Variants in SCN9A observed in about 807,000 individuals in gnomAD.
The protein encoded by SCN9A is sodium channel protein type 9 subunit alpha.
In SCN9A, 131 loss-of-function variants were observed where a neutral mutation model predicts 187.0. The ratio of observed to expected loss-of-function variants is 0.70; its 90% CI spans 0.61 to 0.81. The LOEUF is 0.81. Ranked by LOEUF, SCN9A falls within the 30% of genes least tolerant of loss-of-function variation. SCN9A has a pLI of 0.00. For synonymous variants in SCN9A, 809 were observed against 808.6 expected, an observed-to-expected ratio of 1.00 and a Z score of -0.01; for missense variants, 2,252 against 2,396.6, an observed-to-expected ratio of 0.94 and a Z score of 1.26.
chr2:166,280,255 AT>A, intron 14 of SCN9A, 101 bp downstream of exon 14: 2 of 698,808 alleles, frequency 2.9e-6, no homozygotes, highest in Middle Eastern at 8.0e-4. Flanking sequence ...GATATGCATA[AT>A]TCTGAGGCTG....
chr2:166,340,421 C>A (rs1016540839), intron 1 of SCN9A, among the ~76,000 whole-genome samples: 2 of 152,066 alleles, frequency 1.3e-5, no homozygotes, highest in Non-Finnish European at 2.9e-5. Context: ...TTTTAAAAAT[C>A]AGGCTTCTAA....
intron 17 of SCN9A, among the ~76,000 whole-genome samples, chr2:166,255,096 G>A (rs964243523): frequency 2.0e-5 from 3 of 146,520 alleles, no homozygotes; most frequent in Non-Finnish European, 4.5e-5. Flanking sequence ...TGAGGTAATC[G>A]AGAGAGAGAA....
In SCN9A at chr2:166,238,268, C is replaced by T. The variant is rs975329861; in HGVS notation, c.3628-1G>A. The T allele has an allele frequency of 1.3e-6, 2 of 1,538,048 alleles. No individual in the cohort carries two copies. Among genetic ancestry groups the T allele is most frequent in the Non-Finnish European group, 1.8e-6 (2 of 1,141,970 alleles). On this transcript the variant is annotated splice_acceptor_variant, in intron 19 of 26. Coordinates refer to ENST00000642356, the MANE Select transcript of SCN9A (RefSeq NM_001365536.1). LOFTEE classifies it high-confidence loss of function. ...TTTCAATATAAATATCTTCAAAAGC[C>T]TGTGGAAATAATATTCAAGTTTCAA...
At chr2:166,281,897 G>T in intron 12 of SCN9A, 89 bp from the exon 13 acceptor site, 1 of 1,172,292 alleles carries the variant, frequency 8.5e-7, no homozygotes, top group Non-Finnish European at 1.2e-6. Context: ...GCTGTAGTGA[G>T]TAATTAAAAG....
chr2:166,355,512 TGTGTGTGTGG>T (rs774728176), intron 1 of SCN9A, among the ~76,000 whole-genome samples: 1 of 152,108 alleles, frequency 6.6e-6, no homozygotes, highest in African/African-American at 2.4e-5. Context: ...AGGGATTGTG[TGTGTGTGTGG>T]GTGTGTGTGC....
At chr2:166,293,602 T>C (rs996294566) in intron 8 of SCN9A, among the ~76,000 whole-genome samples, 8 of 152,192 alleles carry the variant, frequency 5.3e-5, no homozygotes, top group Non-Finnish European at 1.0e-4. Flanking sequence ...AAATAAGACT[T>C]GTAATAAGTT....
chr2:166,272,700 T>A lies in SCN9A; in HGVS notation c.3050A>T (p.Lys1017Met). The change falls in exon 17 of 27, where the codon AAG becomes ATG. Residue 1017 changes from lysine (K) to methionine (M), a missense_variant. By Grantham distance (95) the Lys-to-Met change is moderately conservative (BLOSUM62 -1). Around this residue, in one of 7 missense-constraint regions of SCN9A, gnomAD observed 313 missense variants for 295.3 expected, o/e 1.06. Coordinates refer to ENST00000642356, the MANE Select transcript of SCN9A (RefSeq NM_001365536.1). ...REFILKAFSK[K>M]PKISREIRQA... ...TCTTATCTCCCTGGAAATCTTTGGC[T>A]TTTTGGAAAATGCTTTTAGAATAAA... 1 of 1,597,382 alleles carries A rather than the reference T, an allele frequency of 6.3e-7. No homozygotes were observed. The highest frequency in any genetic ancestry group is 8.5e-7 in the Non-Finnish European group (1 of 1,172,322).
intron 1 of SCN9A, among the ~76,000 whole-genome samples, chr2:166,343,501 T>C (rs1699832321): frequency 6.6e-6 from 1 of 152,142 alleles, no homozygotes; most frequent in African/African-American, 2.4e-5. Flanking sequence ...TATAGGATGG[T>C]ATTAAGAACT....
chr2:166,268,610 A>G (rs879755328), intron 17 of SCN9A, among the ~76,000 whole-genome samples: 8 of 151,998 alleles, frequency 5.3e-5, no homozygotes, highest in African/African-American at 9.7e-5. Context: ...AAACAAAACA[A>G]AACAAAAATG....
Position 166,218,426 on chromosome 2 carries a change from A to T in SCN9A, c.4398+8141T>A, listed in dbSNP as rs1474356913. Among the ~76,000 whole-genome samples the T allele has an allele frequency of 3.3e-5, 5 of 150,930 alleles. No individual in the cohort carries two copies. The East Asian group carries it at 9.9e-4, about 30-fold the overall frequency. On this transcript the variant is annotated intron_variant, in intron 24 of 26. Coordinates refer to ENST00000642356, the MANE Select transcript of SCN9A (RefSeq NM_001365536.1). ...AAGTAAAATAAAAAAATAAATAAAT[A>T]AAAAATAAAAAAGTGAGAAGTCAAC...
chr2:166,291,075 G>T (rs1478397279), intron 9 of SCN9A, among the ~76,000 whole-genome samples: 1 of 152,180 alleles, frequency 6.6e-6, no homozygotes, highest in South Asian at 2.1e-4. Flanking sequence ...TGGAATTTCT[G>T]GCCAGGGCAA....
intron 2 of SCN9A, among the ~76,000 whole-genome samples, 167 bp downstream of exon 2, chr2:166,311,332 A>C (rs1698941572): frequency 3.5e-5 from 1 of 28,554 alleles, no homozygotes; most frequent in Admixed American, 2.7e-4. Flanking sequence ...TGAATATCCT[A>C]TATATATATA....
At chr2:166,216,267 G>A (rs1558955730) in intron 24 of SCN9A, among the ~76,000 whole-genome samples, 2 of 151,944 alleles carry the variant, frequency 1.3e-5, no homozygotes, top group East Asian at 3.8e-4. Context: ...ACAAGCCCAC[G>A]GCTAACATTA....
At position 166,199,008 on chromosome 2, in the gene SCN9A, A is replaced by G; in HGVS notation, c.5631T>C (p.Tyr1877=). The part of the protein sequence containing the change: ...FMSANPSKVS[Y]EPITTTLKRK... ...GTTTTAGTGTGGTTGTGATGGGTTC[A>G]TAGGACACTTTGGAAGGATTTGCAG... The change falls in exon 27 of 27, where the codon TAT becomes TAC. Residue 1877 remains tyrosine, a synonymous_variant. Transcript: ENST00000642356. 1 of 1,614,134 alleles carries G rather than the reference A, an allele frequency of 6.2e-7. No individual in the cohort carries two copies. Among genetic ancestry groups the G allele is most frequent in the Non-Finnish European group, 8.5e-7 (1 of 1,179,988 alleles).
At chr2:166,328,457 T>A (rs1281536625) in intron 1 of SCN9A, among the ~76,000 whole-genome samples, 2 of 152,112 alleles carry the variant, frequency 1.3e-5, no homozygotes, top group East Asian at 3.9e-4. Flanking sequence ...TTCCCCTCTA[T>A]GTGTCTCACT....
intron 2 of SCN9A, 136 bp from the exon 3 acceptor site, chr2:166,307,210 C>CA (rs1559031308): frequency 1.7e-6 from 1 of 575,912 alleles, no homozygotes; most frequent in Non-Finnish European, 3.2e-6. Flanking sequence ...AATGTGGTTC[C>CA]AATGTCATCA....
chr2:166,283,623 T>C (rs1697593061), intron 12 of SCN9A, among the ~76,000 whole-genome samples: 1 of 152,162 alleles, frequency 6.6e-6, no homozygotes, highest in African/African-American at 2.4e-5. Context: ...TGTAAAATGA[T>C]TGTTTTGCTT....
At chr2:166,345,569 A>G (rs1699881794) in intron 1 of SCN9A, among the ~76,000 whole-genome samples, 1 of 152,132 alleles carries the variant, frequency 6.6e-6, no homozygotes, top group South Asian at 2.1e-4. Context: ...ATATAAAACT[A>G]AGTTCCAGAA....
At position 166,340,540 on chromosome 2, in the gene SCN9A, CCCTTTCTTTCTTTCTTTCTTTCTT is replaced by C. The variant is rs1482057013; in HGVS notation, c.-50-28758_-50-28735del. On this transcript the variant is annotated intron_variant, in intron 1 of 26. Transcript: ENST00000642356. ...CTTCCCTCTCTCCTTTCTTTTCTTT[CCCTTTCTTTCTTTCTTTCTTTCTT>C]TCTTTCTTTCTTTCTTTCTTTCTTT... Among the ~76,000 whole-genome samples the C allele has an allele frequency of 4.3e-3, 478 of 111,344 alleles. 17 individuals are homozygous for C. The highest frequency in any genetic ancestry group is 2.7e-3 in the Non-Finnish European group (150 of 55,042). 73.0% of individuals were successfully genotyped at this position (111,344 alleles called of 152,430 possible).
Sources: allele counts gnomAD v4.1 joint callset (sites outside exome capture counted in the v4.1 genomes callset), GRCh38; gene constraint gnomAD v4.1.1; regional missense constraint gnomAD v4.1.1; transcripts MANE v1.5; gene names NCBI Gene and HGNC (gene_info 2026-07-23, HGNC 2026-07-21).